The following ZNFX1 variants were observed in gnomAD, a reference collection of about 807,000 sequenced individuals.
ZNFX1 encodes zinc finger NFX1-type containing 1, also known as NFX1-type zinc finger-containing protein 1.
In ZNFX1, 78 loss-of-function variants were observed where a neutral mutation model predicts 179.8. The observed-to-expected ratio is 0.43, with a 90% CI of 0.36 to 0.52. The LOEUF (loss-of-function observed/expected upper bound fraction) is 0.52. Among genes scored for constraint, ZNFX1 ranks in the 20% least tolerant of loss-of-function variants. The pLI, the probability that ZNFX1 is intolerant of heterozygous loss-of-function variation, is 0.00. For synonymous variants in ZNFX1, 848 were observed against 868.5 expected (o/e 0.98, Z 0.42); for missense variants, 1,927 against 2,386.6 (o/e 0.81, Z 4.01).
intron 5 of ZNFX1, among the ~76,000 whole-genome samples, chr20:49,263,795 C>A (rs1220464706): frequency 6.6e-6 from 1 of 152,112 alleles, no homozygotes; most frequent in African/African-American, 2.4e-5. Context: ...ACTAAAAATG[C>A]AAAAATTAGC....
chr20:49,257,702 C>CT lies in ZNFX1; in HGVS notation c.2417-39dup, dbSNP rs11295162. 12,430 of 1,369,632 alleles carry CT rather than the reference C, an allele frequency of 9.1e-3. 5 individuals carry two copies. The highest frequency in any genetic ancestry group is 0.024 in the African/African-American group (1,501 of 61,652). The allele number at this position is 1,369,632 out of a possible 1,614,324, so 84.8% of individuals were successfully genotyped here. On this transcript the variant is annotated intron_variant, in intron 7 of 13. Transcript: ENST00000396105. ...AACAGGCAGGAGAGAGATGAAAACT[C>CT]TTTTTTTTTTTTTTTTTGATATGGA...
At chr20:49,265,856 A>AG (rs1359459548) in intron 4 of ZNFX1, among the ~76,000 whole-genome samples, 1 of 152,210 alleles carries the variant, frequency 6.6e-6, no homozygotes, top group Non-Finnish European at 1.5e-5. Context: ...CAAGATGGAG[A>AG]GGGAAAAAAC....
Position 49,247,342 on chromosome 20 carries a change from A to G in ZNFX1, c.5682T>C (p.Asp1894=), listed in dbSNP as rs373022587. 9.0e-5 allele frequency: 146 copies of G among 1,614,176 alleles called. 2 individuals carry two copies. The highest frequency in any genetic ancestry group is 8.8e-4 in the South Asian group (80 of 91,076). The change falls in exon 14 of 14, where the codon GAT becomes GAC. Residue 1894 remains aspartate, a synonymous_variant. Transcript: ENST00000396105. ...ERSNQLASEM[D]GAQHAAWSDT... is the part of the protein sequence containing the mutation. Reference sequence around the variant, plus strand: ...CAGACCAGGCAGCATGCTGGGCTCCATCCATTTCAGAAGCAAGCTGGTTGC... The same window carrying G: ...CAGACCAGGCAGCATGCTGGGCTCCGTCCATTTCAGAAGCAAGCTGGTTGC...
In ZNFX1 at chr20:49,264,775, T is replaced by G. The variant is rs139047252; in HGVS notation, c.2092A>C (p.Arg698=). 5.8e-4 allele frequency: 934 copies of G among 1,614,206 alleles called. 2 individuals carry two copies. Among genetic ancestry groups the G allele is most frequent in the Non-Finnish European group, 6.8e-4 (808 of 1,180,028 alleles). Residue 698 remains arginine, a synonymous_variant, in exon 5 of 14, where the codon AGG becomes CGG. Coordinates refer to ENST00000396105, the MANE Select transcript of ZNFX1 (RefSeq NM_021035.3). ...TTGCGGCGGAATTCCCGCTTGTTCC[T>G]CAGCTCCCTTAGGGTGAACTGCTTC... ...ILKQFTLREL[R]NKREFRRNLP...
At chr20:49,267,226 A>G (rs1210476441) in intron 3 of ZNFX1, among the ~76,000 whole-genome samples, 1 of 152,202 alleles carries the variant, frequency 6.6e-6, no homozygotes, top group Non-Finnish European at 1.5e-5. Context: ...TCAGGCTGGT[A>G]AGGTAGACAC....
In ZNFX1 at chr20:49,247,177, GATA is replaced by G. The variant is rs1179628426; in HGVS notation, c.*87_*89del. 31 of 1,504,110 alleles carry G rather than the reference GATA, an allele frequency of 2.1e-5. No individual in the cohort carries two copies. The highest frequency in any genetic ancestry group is 2.7e-5 in the Non-Finnish European group (30 of 1,121,550). 93.2% of individuals were successfully genotyped at this position (1,504,110 alleles called of 1,614,324 possible). A position where few individuals can be genotyped will look rare whatever the true frequency, so the allele number is the denominator to read the frequency against. On this transcript the variant is annotated 3_prime_UTR_variant, in exon 14 of 14. Coordinates refer to ENST00000396105, the MANE Select transcript of ZNFX1 (RefSeq NM_021035.3). ...CCACTGCGCCCAGCCTAAAAAGGAT[GATA>G]ATAAAAAACAAACTTCAGTTCCTTC...
chr20:49,264,591 A>G lies in ZNFX1; in HGVS notation c.2151+125T>C, dbSNP rs571439376. ...ATTGGCAGAATAGAATGCTGAAAGG[A>G]ACCTGGGTCCTCCAGAGCTTTGAGG... On this transcript the variant is annotated intron_variant, in intron 5 of 13. Transcript: ENST00000396105. The G allele has an allele frequency of 2.5e-6, 3 of 1,207,250 alleles. No homozygotes were observed. In the South Asian group the frequency reaches 4.4e-5, roughly 18 times the overall value. The allele number at this position is 1,207,250 out of a possible 1,614,324, so 74.8% of individuals were successfully genotyped here. A position where few individuals can be genotyped will look rare whatever the true frequency, so the allele number is the denominator to read the frequency against.
At position 49,277,708 on chromosome 20, in the gene ZNFX1, C is replaced by T. The variant is rs1490005567; in HGVS notation, c.-49+313G>A. Among the ~76,000 whole-genome samples, 6 of 141,626 alleles carry T rather than the reference C, an allele frequency of 4.2e-5. No individual in the cohort carries two copies. The East Asian group carries it at 1.3e-3, about 30-fold the overall frequency. 92.9% of individuals were successfully genotyped at this position (141,626 alleles called of 152,430 possible). A position where few individuals can be genotyped will look rare whatever the true frequency, so the allele number is the denominator to read the frequency against. On this transcript the variant is annotated intron_variant, in intron 1 of 13. Transcript: ENST00000396105. ...GATGGGCCAGGGGCTGAGTGGGTGA[C>T]GGGGCGCTGAGTAGGCGATGGAGGT...
Position 49,247,279 on chromosome 20 carries a change from CT to C in ZNFX1, c.5744del (p.Gln1915ArgfsTer3). On this transcript the variant is annotated frameshift_variant, in exon 14 of 14. Coordinates refer to ENST00000396105, the MANE Select transcript of ZNFX1 (RefSeq NM_021035.3). LOFTEE classifies it high-confidence loss of function. ...ANNLMNFEEI[Q>X]GMM is the part of the protein sequence containing the mutation. The stretch of plus-strand genomic sequence containing the variant: ...GTGTACCATCTTCCTACATCATCCC[CT>C]GGATCTCCTCAAAGTTCATCAGGTT... 6.2e-7 allele frequency: 1 copy of C among 1,606,396 alleles called. No individual in the cohort carries two copies. The highest frequency in any genetic ancestry group is 8.5e-7 in the Non-Finnish European group (1 of 1,174,896).
chr20:49,264,058 C>A (rs139460254), intron 5 of ZNFX1, among the ~76,000 whole-genome samples: 2,325 of 152,238 alleles, frequency 0.015, 58 homozygotes, highest in South Asian at 0.071. Context: ...CTTGTCTCTA[C>A]TAAAAATACA....
At chr20:49,267,002 T>C (rs988498291) in intron 3 of ZNFX1, among the ~76,000 whole-genome samples, 7 of 152,210 alleles carry the variant, frequency 4.6e-5, no homozygotes, top group Non-Finnish European at 1.0e-4. Context: ...GTTCAAGTGA[T>C]TCTCCTGCCT....
intron 4 of ZNFX1, 130 bp from the exon 5 acceptor site, chr20:49,264,994 C>G (rs1198584373): frequency 1.6e-6 from 2 of 1,267,870 alleles, no homozygotes; most frequent in Non-Finnish European, 2.2e-6. Context: ...GGAAATTTAC[C>G]CCATTAATGA....
intron 10 of ZNFX1, among the ~76,000 whole-genome samples, chr20:49,254,068 C>T (rs1175598881): frequency 6.6e-6 from 1 of 151,706 alleles, no homozygotes; most frequent in East Asian, 1.9e-4. Flanking sequence ...ACTCTGTCAC[C>T]CAGGCTGGAG....
intron 7 of ZNFX1, among the ~76,000 whole-genome samples, chr20:49,259,109 C>CAAAAAAAAAA (rs1380256614): frequency 2.2e-5 from 2 of 92,054 alleles, no homozygotes; most frequent in Non-Finnish European, 5.2e-5. Context: ...GACTCAGTCT[C>CAAAAAAAAAA]AAAAAAAAAT....
chr20:49,258,357 G>A (rs2146733866), intron 7 of ZNFX1, among the ~76,000 whole-genome samples: 1 of 152,158 alleles, frequency 6.6e-6, no homozygotes, highest in South Asian at 2.1e-4. Context: ...CAAAGTGCTG[G>A]GATTACAGGT....
At chr20:49,266,382 A>C (rs2146738626) in intron 3 of ZNFX1, 116 bp from the exon 4 acceptor site, 1 of 1,061,786 alleles carries the variant, frequency 9.4e-7, no homozygotes, top group Non-Finnish European at 1.3e-6. Flanking sequence ...TTTAAAATCT[A>C]AGAAGCGTAC....
In ZNFX1 at chr20:49,266,138, C is replaced by T; in HGVS notation, c.1999G>A (p.Glu667Lys). The T allele has an allele frequency of 6.2e-7, 1 of 1,606,726 alleles. No individual in the cohort carries two copies. Among genetic ancestry groups the T allele is most frequent in the Non-Finnish European group, 8.5e-7 (1 of 1,178,222 alleles). Residue 667 changes from glutamate (E) to lysine (K), a missense_variant, in exon 4 of 14, where the codon GAA becomes AAA. By Grantham distance (56) the Glu-to-Lys change is moderately conservative. Coordinates refer to ENST00000396105, the MANE Select transcript of ZNFX1 (RefSeq NM_021035.3). Reference sequence around the variant, plus strand: ...CAAATTTGCCTATAAGTATTACCTTCCAGAAACTGGTCCAAAGCATGATTA... The same window carrying T: ...CAAATTTGCCTATAAGTATTACCTTTCAGAAACTGGTCCAAAGCATGATTA... Reference protein sequence around the residue: ...YTNHALDQFLEGIYNCQKTSI... With the variant: ...YTNHALDQFLKGIYNCQKTSI...
intron 2 of ZNFX1, among the ~76,000 whole-genome samples, chr20:49,272,333 C>T (rs185933824): frequency 7.9e-5 from 12 of 152,126 alleles, no homozygotes; most frequent in Admixed American, 1.3e-4. Context: ...CCTGCCACCG[C>T]GCCTGGCTAA....
chr20:49,261,323 GAAGGACTGGATA>G (rs964991542), intron 6 of ZNFX1, among the ~76,000 whole-genome samples: 1 of 152,126 alleles, frequency 6.6e-6, no homozygotes, highest in Non-Finnish European at 1.5e-5. Flanking sequence ...GCGCATCAAT[GAAGGACTGGATA>G]AAGAAAACGT....
Sources: gnomAD v4.1 joint callset for allele counts (sites outside exome capture counted in the v4.1 genomes callset) on GRCh38, gnomAD v4.1.1 for gene constraint, MANE v1.5 for transcripts, NCBI Gene and HGNC (gene_info 2026-07-23, HGNC 2026-07-21) for gene names.